The following ME3 variants were observed in gnomAD, a reference collection of about 807,000 sequenced individuals.
The protein encoded by ME3 is NADP-dependent malic enzyme, mitochondrial.
Under a neutral mutation model 68.9 loss-of-function variants are expected in ME3, and 48 were observed. The ratio of observed to expected loss-of-function variants is 0.70; its 90% confidence interval spans 0.55 to 0.89. The LOEUF is 0.89. Ranked by LOEUF, ME3 falls within the 40% of genes least tolerant of loss-of-function variation. The pLI, the probability that ME3 is intolerant of heterozygous loss-of-function variation, is 0.00. For missense variants in ME3, 675 were observed against 797.4 expected, an observed-to-expected ratio of 0.85 and a Z score of 1.85; for synonymous variants, 320 against 318.8, an observed-to-expected ratio of 1.00 and a Z score of -0.04.
At chr11:86,446,419 A>C (rs769323301) in exon 13 of ME3, 1 of 1,614,100 alleles carries the variant, frequency 6.2e-7, no homozygotes, top group Non-Finnish European at 8.5e-7. Context: ...CCTGCCCAGG[A>C]ATGAAGGTCT....
chr11:86,516,031 C>T (rs1426841913), intron 4 of ME3, among the ~76,000 whole-genome samples: 4 of 152,130 alleles, frequency 2.6e-5, no homozygotes, highest in Non-Finnish European at 5.9e-5. Flanking sequence ...CTAATGACTC[C>T]TCTGAGTCAT....
intron 6 of ME3, among the ~76,000 whole-genome samples, chr11:86,496,913 A>G (rs1422809632): frequency 6.6e-6 from 1 of 152,186 alleles, no homozygotes; most frequent in African/African-American, 2.4e-5. Context: ...AAATATACCA[A>G]TATGTAAACA....
intron 4 of ME3, among the ~76,000 whole-genome samples, chr11:86,532,126 A>T (rs1174161338): frequency 6.6e-6 from 1 of 152,182 alleles, no homozygotes; most frequent in African/African-American, 2.4e-5. Flanking sequence ...AAAAAGAGAC[A>T]AAGAAGATCA....
chr11:86,449,767 C>T, intron 10 of ME3, 122 bp downstream of exon 10: 1 of 691,114 alleles, frequency 1.4e-6, no homozygotes. Flanking sequence ...GGAGCTTAGG[C>T]CATTGCCCTC....
At chr11:86,551,790 C>T (rs1428138788) in intron 4 of ME3, among the ~76,000 whole-genome samples, 1 of 152,216 alleles carries the variant, frequency 6.6e-6, no homozygotes, top group African/African-American at 2.4e-5. Context: ...AGCAGCTTGG[C>T]TCAGGGCCAA....
intron 2 of ME3, among the ~76,000 whole-genome samples, chr11:86,566,696 C>A (rs931679410): frequency 1.1e-4 from 17 of 152,262 alleles, no homozygotes; most frequent in African/African-American, 3.6e-4. Flanking sequence ...TGAAGTTCCA[C>A]GGCTGTTACT....
At chr11:86,637,738 A>G (rs185463921) in intron 2 of ME3, among the ~76,000 whole-genome samples, 3 of 152,240 alleles carry the variant, frequency 2.0e-5, no homozygotes, top group Non-Finnish European at 2.9e-5. Flanking sequence ...TGTATTACCA[A>G]TTTCATCTGG....
chr11:86,524,955 A>G (rs1954622309), intron 4 of ME3, among the ~76,000 whole-genome samples: 1 of 152,242 alleles, frequency 6.6e-6, no homozygotes, highest in Non-Finnish European at 1.5e-5. Context: ...ATCTCAGAAC[A>G]TTCAAGATCA....
rs146627013 is a variant in ME3, at chr11:86,631,484, G to C, written c.183+40278C>G. Among the ~76,000 whole-genome samples, 6 of 152,116 alleles carry C rather than the reference G, an allele frequency of 3.9e-5. No homozygotes were observed. In the East Asian group the frequency reaches 7.7e-4, roughly 20 times the overall value. ...ATAAGAAAACCGTGGGCAATGAAGG[G>C]GTTTAGTGGTTCCCAAATCCAAACG... is the stretch of plus-strand genomic sequence containing the variant. On this transcript the variant is annotated intron_variant, in intron 2 of 14. Transcript: ENST00000543262.
chr11:86,515,319 A>AT (rs1953815919), intron 4 of ME3, among the ~76,000 whole-genome samples: 1 of 152,164 alleles, frequency 6.6e-6, no homozygotes, highest in Non-Finnish European at 1.5e-5. Context: ...GTACATTGTC[A>AT]TAATGCTCTT....
downstream of ME3, among the ~76,000 whole-genome samples, chr11:86,439,831 G>C (rs1209886521): frequency 1.3e-5 from 2 of 152,160 alleles, no homozygotes; most frequent in Non-Finnish European, 2.9e-5. Flanking sequence ...CGATACAGAG[G>C]AAATTGTGGG....
At chr11:86,625,759 C>A (rs553545754) in intron 2 of ME3, among the ~76,000 whole-genome samples, 30 of 152,278 alleles carry the variant, frequency 2.0e-4, no homozygotes, top group African/African-American at 6.0e-4. Context: ...TTAAGAGGCT[C>A]TGTAGTATAG....
intron 4 of ME3, among the ~76,000 whole-genome samples, chr11:86,531,314 A>T (rs1462068814): frequency 1.3e-5 from 2 of 152,190 alleles, no homozygotes; most frequent in African/African-American, 4.8e-5. Context: ...ATCTCACACC[A>T]GTTAGAATGG....
intron 7 of ME3, 95 bp downstream of exon 7, chr11:86,487,242 G>T: frequency 3.0e-6 from 3 of 1,004,782 alleles, no homozygotes; most frequent in Non-Finnish European, 3.1e-6. Context: ...TGCATCTACT[G>T]CCTTTACTTT....
chr11:86,639,882 C>A (rs965117601), intron 2 of ME3, among the ~76,000 whole-genome samples: 1 of 152,170 alleles, frequency 6.6e-6, no homozygotes, highest in Non-Finnish European at 1.5e-5. Context: ...AACTACGTTT[C>A]GCATGAGTGG....
At chr11:86,483,721 G>A (rs139834518) in intron 7 of ME3, among the ~76,000 whole-genome samples, 46 of 152,328 alleles carry the variant, frequency 3.0e-4, no homozygotes, top group Non-Finnish European at 5.9e-4. Context: ...TAGGGAAGAA[G>A]CGGGTGATTT....
intron 2 of ME3, among the ~76,000 whole-genome samples, chr11:86,595,895 A>G (rs114266494): frequency 2.1e-3 from 322 of 152,322 alleles, no homozygotes; most frequent in African/African-American, 7.6e-3. Flanking sequence ...GCCCCTCACC[A>G]TACCTTCTCG....
intron 8 of ME3, among the ~76,000 whole-genome samples, chr11:86,454,091 A>G (rs1949788523): frequency 6.6e-6 from 1 of 152,232 alleles, no homozygotes; most frequent in African/African-American, 2.4e-5. Context: ...AAACAAAACA[A>G]AGCAAAAGGA....
At chr11:86,458,355 T>G (rs1950051061) in intron 8 of ME3, among the ~76,000 whole-genome samples, 1 of 152,236 alleles carries the variant, frequency 6.6e-6, no homozygotes, top group Non-Finnish European at 1.5e-5. Context: ...AGTGCAATTT[T>G]GTGTCATAAG....
Sources: gnomAD v4.1 joint callset for allele counts (sites outside exome capture counted in the v4.1 genomes callset) on GRCh38, gnomAD v4.1.1 for gene constraint, MANE v1.5 for transcripts, NCBI Gene and HGNC (gene_info 2026-07-23, HGNC 2026-07-21) for gene names.